The following RAB3D variants were observed in gnomAD, a reference collection of about 807,000 sequenced individuals.
RAB3D encodes ras-related protein Rab-3D.
A neutral mutation model predicts 19.3 loss-of-function variants in RAB3D; 17 were observed. The ratio of observed to expected loss-of-function variants is 0.88; its 90% CI spans 0.60 to 1.32. The LOEUF is 1.32. Among genes scored for constraint, RAB3D ranks in the 40% most tolerant of loss-of-function variants. RAB3D has a pLI of 0.00. For missense variants in RAB3D, 223 were observed against 299.1 expected, an observed-to-expected ratio of 0.75 and a Z score of 1.88; for synonymous variants, 103 against 119.9, an observed-to-expected ratio of 0.86 and a Z score of 0.92.
intron 4 of RAB3D, among the ~76,000 whole-genome samples, 166 bp downstream of exon 4, chr19:11,335,281 T>C (rs1231955515): frequency 1.3e-5 from 2 of 152,214 alleles, no homozygotes; most frequent in Non-Finnish European, 2.9e-5. Context: ...TGGGAGTTCC[T>C]GCGCGTGGAT....
At chr19:11,337,548 G>T in intron 1 of RAB3D, 88 bp from the exon 2 acceptor site, 1 of 647,250 alleles carries the variant, frequency 1.5e-6, no homozygotes, top group Non-Finnish European at 2.8e-6. Flanking sequence ...GAGACCAAGT[G>T]ATGCTGGATG....
chr19:11,329,394 G>C (rs1305786483), intron 4 of RAB3D, among the ~76,000 whole-genome samples: 2 of 151,598 alleles, frequency 1.3e-5, no homozygotes, highest in African/African-American at 4.8e-5. Context: ...GATCACCTGA[G>C]GTCAGGAGTT....
chr19:11,322,106 A>G lies in RAB3D; in HGVS notation c.*3292T>C, dbSNP rs1302049790. On this transcript the variant is annotated 3_prime_UTR_variant, in exon 5 of 5. Coordinates refer to ENST00000222120, the MANE Select transcript of RAB3D (RefSeq NM_004283.4). ...GATTTAAGTTTTTCTTGTTGAGAAGAGTACATCTTTCCAAACTGGACATCA... is the reference window on the plus strand; with the variant it reads ...GATTTAAGTTTTTCTTGTTGAGAAGGGTACATCTTTCCAAACTGGACATCA... The G allele has an allele frequency of 6.6e-6, 1 of 152,198 alleles. No individual in the cohort carries two copies. Among genetic ancestry groups the G allele is most frequent in the East Asian group, 1.9e-4 (1 of 5,200 alleles). 9.4% of individuals were successfully genotyped at this position (152,198 alleles called of 1,614,324 possible).
At chr19:11,332,078 G>C (rs2080837337) in intron 4 of RAB3D, among the ~76,000 whole-genome samples, 1 of 152,174 alleles carries the variant, frequency 6.6e-6, no homozygotes, top group Non-Finnish European at 1.5e-5. Context: ...TTCTTACCCA[G>C]GCCGGAGTGC....
rs2080785130 is a variant in RAB3D at position 11,322,386 on chromosome 19, G to A, written c.*3012C>T. 1 of 151,786 alleles carries A rather than the reference G, an allele frequency of 6.6e-6. No homozygotes were observed. Among genetic ancestry groups the A allele is most frequent in the South Asian group, 2.1e-4 (1 of 4,814 alleles). The allele number at this position is 151,786 out of a possible 1,614,324, so 9.4% of individuals were successfully genotyped here. The stretch of plus-strand genomic sequence containing the variant: ...AAAAAGCAGAACTCCAAACCCCTGT[G>A]GTCATGGCAATTTCCCATCAAAACT... On this transcript the variant is annotated 3_prime_UTR_variant, in exon 5 of 5. Coordinates refer to ENST00000222120, the MANE Select transcript of RAB3D (RefSeq NM_004283.4).
At chr19:11,330,786 G>T (rs56296509) in intron 4 of RAB3D, among the ~76,000 whole-genome samples, 3 of 151,900 alleles carry the variant, frequency 2.0e-5, no homozygotes, top group Non-Finnish European at 4.4e-5. Context: ...TTCTGACCTT[G>T]TGATCCACCC....
At chr19:11,332,104 G>C (rs2080837465) in intron 4 of RAB3D, among the ~76,000 whole-genome samples, 1 of 152,200 alleles carries the variant, frequency 6.6e-6, no homozygotes, top group Non-Finnish European at 1.5e-5. Flanking sequence ...TGCGATCTCA[G>C]CTCACACAAC....
chr19:11,325,770 C>T (rs1239547759), intron 4 of RAB3D, among the ~76,000 whole-genome samples, 185 bp from the exon 5 acceptor site: 3 of 152,096 alleles, frequency 2.0e-5, no homozygotes, highest in African/African-American at 7.2e-5. Flanking sequence ...GATGATCCTA[C>T]CAATGATAAA....
intron 1 of RAB3D, among the ~76,000 whole-genome samples, 198 bp from the exon 2 acceptor site, chr19:11,337,658 A>T (rs930849695): frequency 3.3e-5 from 5 of 150,692 alleles, no homozygotes; most frequent in African/African-American, 1.2e-4. Context: ...GCCTAAAATG[A>T]GTTTCTTTCT....
chr19:11,333,105 A>G (rs1417884654), intron 4 of RAB3D, among the ~76,000 whole-genome samples: 1 of 147,834 alleles, frequency 6.8e-6, no homozygotes, highest in African/African-American at 2.5e-5. Context: ...TTTGAGAAAG[A>G]GTCCTGCTCT....
At position 11,323,256 on chromosome 19, in the gene RAB3D, T is replaced by C. The variant is rs1024307846; in HGVS notation, c.*2142A>G. ...TATTCAGATACCCTCACTTTGTGCA[T>C]AGGATTTGTCCATTACACCTCAGTC... is the stretch of plus-strand genomic sequence containing the variant. On this transcript the variant is annotated 3_prime_UTR_variant, in exon 5 of 5. Coordinates refer to ENST00000222120, the MANE Select transcript of RAB3D (RefSeq NM_004283.4). The C allele has an allele frequency of 6.6e-6, 1 of 152,332 alleles. No homozygotes were observed. Among genetic ancestry groups the C allele is most frequent in the Non-Finnish European group, 1.5e-5 (1 of 68,020 alleles). 9.4% of individuals were successfully genotyped at this position (152,332 alleles called of 1,614,324 possible). A position where few individuals can be genotyped will look rare whatever the true frequency, so the allele number is the denominator to read the frequency against.
At position 11,325,433 on chromosome 19, in the gene RAB3D, C is replaced by T. The variant is rs1335107144; in HGVS notation, c.625G>A (p.Ala209Thr). 3.1e-6 allele frequency: 5 copies of T among 1,605,672 alleles called. No homozygotes were observed. The Admixed American group carries it at 6.7e-5, about 21-fold the overall frequency. The change falls in exon 5 of 5, where the codon GCT becomes ACT. Residue 209 changes from alanine to threonine, a missense_variant. By Grantham distance (58) the Ala-to-Thr change is moderately conservative. Transcript: ENST00000222120. ...SNGKGPAVGD[A>T]PAPQPSSCSC ...CAGCTGCTGGGCTGGGGGGCTGGAG[C>T]ATCCCCCACGGCCGGGCCTTTCCCG... is the stretch of plus-strand genomic sequence containing the variant.
chr19:11,327,274 G>A (rs1387088049), intron 4 of RAB3D, among the ~76,000 whole-genome samples: 1 of 152,138 alleles, frequency 6.6e-6, no homozygotes, highest in East Asian at 1.9e-4. Context: ...CAATAGCAGG[G>A]GCAGGACATG....
chr19:11,338,458 T>C (rs1966918761), intron 1 of RAB3D, among the ~76,000 whole-genome samples: 1 of 152,192 alleles, frequency 6.6e-6, no homozygotes, highest in Non-Finnish European at 1.5e-5. Context: ...GGTGTTGACT[T>C]TGGCAGGTGT....
At chr19:11,329,913 A>G (rs868304709) in intron 4 of RAB3D, among the ~76,000 whole-genome samples, 9 of 152,102 alleles carry the variant, frequency 5.9e-5, no homozygotes, top group African/African-American at 2.2e-4. Flanking sequence ...AACTCCTGAC[A>G]TCAAGTGATC....
rs373664337 is a variant in RAB3D at position 11,335,647 on chromosome 19, T to C, written c.347+18A>G. ...GGAGAGGGCAAAGATCAGGGGTCCA[T>C]GATCAGCAAGCACTCACCAGTCCTG... On this transcript the variant is annotated intron_variant, in intron 3 of 4. Coordinates refer to ENST00000222120, the MANE Select transcript of RAB3D (RefSeq NM_004283.4). The C allele has an allele frequency of 1.1e-4, 178 of 1,613,858 alleles. 2 individuals are homozygous for C. The highest frequency in any genetic ancestry group is 1.0e-3 in the East Asian group (47 of 44,874).
At chr19:11,335,311 CAT>C (rs1411499724) in intron 4 of RAB3D, 134 bp downstream of exon 4, 3 of 1,269,328 alleles carry the variant, frequency 2.4e-6, no homozygotes, top group Non-Finnish European at 3.3e-6. Flanking sequence ...TTAGACGGGA[CAT>C]GTGGCATACA....
chr19:11,332,804 TAGGCCGGGACTATA>T (rs894053014), intron 4 of RAB3D, among the ~76,000 whole-genome samples: 29 of 151,858 alleles, frequency 1.9e-4, no homozygotes, highest in Admixed American at 1.9e-3. Context: ...TAAAAAAGTG[TAGGCCGGGACTATA>T]AAAACCAACC....
chr19:11,335,343 A>G (rs2080848451), intron 4 of RAB3D, 104 bp downstream of exon 4: 10 of 1,490,472 alleles, frequency 6.7e-6, no homozygotes, highest in South Asian at 1.2e-5. Context: ...CTTCCTGGGC[A>G]GATCCTCAAA....
Sources: allele counts gnomAD v4.1 joint callset (sites outside exome capture counted in the v4.1 genomes callset), GRCh38; gene constraint gnomAD v4.1.1; transcripts MANE v1.5; gene names NCBI Gene and HGNC (gene_info 2026-07-23, HGNC 2026-07-21).